The following NBPF4 variants were observed in gnomAD, a reference collection of about 807,000 sequenced individuals.
NBPF4 encodes NBPF member 4, also known as NBPF family member NBPF4.
A neutral mutation model predicts 21.1 loss-of-function variants in NBPF4; 11 were observed. The ratio of observed to expected loss-of-function variants is 0.52; its 90% CI spans 0.33 to 0.86. The LOEUF (loss-of-function observed/expected upper bound fraction) is 0.86, where lower values mean the gene tolerates loss of function less well. Among genes scored for constraint, NBPF4 ranks in the 40% least tolerant of loss-of-function variants. The pLI is 0.03. For synonymous variants in NBPF4, 47 were observed against 106.4 expected, an observed-to-expected ratio of 0.44 and a Z score of 3.43; for missense variants, 88 against 265.3, an observed-to-expected ratio of 0.33 and a Z score of 4.64.
chr1:108,223,855 C>A (rs1230803801), intron 14 of NBPF4, 109 bp from the exon 15 acceptor site: 63 of 1,181,216 alleles, frequency 5.3e-5, no homozygotes, highest in Non-Finnish European at 7.1e-5. Context: ...GGATCTCCTG[C>A]TGGGAGGATG....
the NBPF4 span, among the ~76,000 whole-genome samples, chr1:108,256,652 C>G: frequency 1.8e-5 from 2 of 109,596 alleles, no homozygotes; most frequent in Admixed American, 1.0e-4. Context: ...GGGTCTCACT[C>G]CATTGCACAG....
At position 108,223,174 on chromosome 1, in the gene NBPF4, A is replaced by G. The variant is rs1163597749; in HGVS notation, c.*531T>C. ...AAATGACTAAAAAAGCATAAGCTGC[A>G]TAGGCTTTTTACTCTTTTTGAACTC... On this transcript the variant is annotated 3_prime_UTR_variant, in exon 15 of 15. Coordinates refer to ENST00000415641, the MANE Select transcript of NBPF4 (RefSeq NM_001143989.3). Among the ~76,000 whole-genome samples the G allele has an allele frequency of 6.6e-6, 1 of 152,176 alleles. No individual in the cohort carries two copies. The highest frequency in any genetic ancestry group is 1.5e-5 in the Non-Finnish European group (1 of 68,038).
Position 108,223,030 on chromosome 1 carries a change from T to A in NBPF4, c.*675A>T, listed in dbSNP as rs1027748501. On this transcript the variant is annotated 3_prime_UTR_variant, in exon 15 of 15. Coordinates refer to ENST00000415641, the MANE Select transcript of NBPF4 (RefSeq NM_001143989.3). ...GGCTGAATTTAATCATGACGACATT[T>A]TCAGATAACTTCAGAATGTAGACCA... 2.6e-5 allele frequency among the ~76,000 whole-genome samples: 4 copies of A among 152,130 alleles called. No individual in the cohort carries two copies. Among genetic ancestry groups the A allele is most frequent in the African/African-American group, 9.7e-5 (4 of 41,436 alleles).
At position 108,223,731 on chromosome 1, in the gene NBPF4, C is replaced by T. The variant is rs1649386988; in HGVS notation, c.1891G>A (p.Gly631Arg). The stretch of plus-strand genomic sequence containing the variant: ...CATCCTGCCATCCTTTGCGTCCTTC[C>T]AGCAGTATTTGGTATCTGTAGGGGA... ...AESAEIPNTA[G>R]RTQRMAG is the part of the protein sequence containing the mutation. Residue 631 changes from glycine to arginine, a missense_variant, in exon 15 of 15, where the codon GGA (glycine) becomes AGA (arginine). Coordinates refer to ENST00000415641, the MANE Select transcript of NBPF4 (RefSeq NM_001143989.3). The T allele has an allele frequency of 6.4e-7, 1 of 1,558,470 alleles. No homozygotes were observed. Among genetic ancestry groups the T allele is most frequent in the Non-Finnish European group, 8.7e-7 (1 of 1,150,954 alleles).
rs904694270 is a variant in NBPF4 at position 108,228,655 on chromosome 1, A to G, written c.1660+265T>C. Reference sequence around the variant, plus strand: ...TGCAGGTAGATATTATTCTTCAGGTATCTTAGATGAGGGAACAGAGATATA... The same window carrying G: ...TGCAGGTAGATATTATTCTTCAGGTGTCTTAGATGAGGGAACAGAGATATA... On this transcript the variant is annotated intron_variant, in intron 13 of 14. Transcript: ENST00000415641. Among the ~76,000 whole-genome samples the G allele has an allele frequency of 4.6e-5, 7 of 151,834 alleles. 1 individual carries two copies. Among genetic ancestry groups the G allele is most frequent in the African/African-American group, 1.7e-4 (7 of 41,414 alleles).
At chr1:108,268,544 T>A in the NBPF4 span, among the ~76,000 whole-genome samples, 1 of 147,906 alleles carries the variant, frequency 6.8e-6, no homozygotes, top group Non-Finnish European at 1.5e-5. Context: ...AGGAGTTATT[T>A]AATTTCTTGT....
the NBPF4 span, among the ~76,000 whole-genome samples, chr1:108,259,789 A>C: frequency 1.3e-5 from 2 of 151,550 alleles, no homozygotes; most frequent in African/African-American, 4.9e-5. Context: ...CTTTTTTTTG[A>C]AAGCATCTCT....
At chr1:108,256,490 CTT>C in the NBPF4 span, among the ~76,000 whole-genome samples, 1 of 120,074 alleles carries the variant, frequency 8.3e-6, no homozygotes, top group South Asian at 3.1e-4. Flanking sequence ...TCCTTTTTCT[CTT>C]TCTTTCTTTC....
intron 13 of NBPF4, among the ~76,000 whole-genome samples, chr1:108,228,608 C>T (rs1177895557): frequency 1.3e-5 from 2 of 151,968 alleles, no homozygotes; most frequent in African/African-American, 4.8e-5. Flanking sequence ...CTTATGGAAT[C>T]AGGCCCTTTG....
the NBPF4 span, among the ~76,000 whole-genome samples, chr1:108,257,414 C>T: frequency 1.3e-5 from 2 of 151,000 alleles, no homozygotes; most frequent in African/African-American, 4.9e-5. Context: ...CAGTAGTCTC[C>T]CTGCTACCCT....
At chr1:108,244,945 T>C (rs1216664152), upstream of NBPF4, among the ~76,000 whole-genome samples, 42 of 37,974 alleles carry the variant, frequency 1.1e-3, 5 homozygotes, top group South Asian at 1.5e-3. Flanking sequence ...TATATATATA[T>C]ATACACACAC....
the NBPF4 span, among the ~76,000 whole-genome samples, chr1:108,268,368 T>A: frequency 6.6e-6 from 1 of 151,774 alleles, no homozygotes; most frequent in Non-Finnish European, 1.5e-5. Context: ...TAGAAAAAAG[T>A]AAGAAAGTTT....
At position 108,222,907 on chromosome 1, in the gene NBPF4, G is replaced by A. The variant is rs550763781; in HGVS notation, c.*798C>T. 2.6e-5 allele frequency among the ~76,000 whole-genome samples: 4 copies of A among 152,230 alleles called. No homozygotes were observed. Among genetic ancestry groups the A allele is most frequent in the African/African-American group, 7.2e-5 (3 of 41,554 alleles). On this transcript the variant is annotated 3_prime_UTR_variant, in exon 15 of 15. Transcript: ENST00000415641. ...ACCAAGTGACCATCCTAGTATCACC[G>A]CACTGGGGATGGACACACTGGGCCT... is the stretch of plus-strand genomic sequence containing the variant.
At chr1:108,259,698 C>A in the NBPF4 span, among the ~76,000 whole-genome samples, 3 of 148,964 alleles carry the variant, frequency 2.0e-5, no homozygotes, top group Non-Finnish European at 4.5e-5. Context: ...CACAGTGAGA[C>A]CTCATCTTCT....
chr1:108,222,748 G>T lies in NBPF4; in HGVS notation c.*957C>A, dbSNP rs1292295037. Among the ~76,000 whole-genome samples the T allele has an allele frequency of 2.0e-5, 3 of 152,168 alleles. No homozygotes were observed. The highest frequency in any genetic ancestry group is 4.4e-5 in the Non-Finnish European group (3 of 68,036). On this transcript the variant is annotated 3_prime_UTR_variant, in exon 15 of 15. Coordinates refer to ENST00000415641, the MANE Select transcript of NBPF4 (RefSeq NM_001143989.3). The stretch of plus-strand genomic sequence containing the variant: ...AAATATAATAACTGACACAGACGGG[G>T]TGATTAATTGGTGATAAAATGTTCT...
chr1:108,247,431 T>A (rs1649870743), upstream of NBPF4, among the ~76,000 whole-genome samples: 1 of 147,054 alleles, frequency 6.8e-6, no homozygotes, highest in Non-Finnish European at 1.5e-5. Flanking sequence ...ATGTGTTTGT[T>A]AACGACTTAG....
chr1:108,259,813 T>C, the NBPF4 span, among the ~76,000 whole-genome samples: 1 of 151,576 alleles, frequency 6.6e-6, no homozygotes, highest in East Asian at 1.9e-4. Flanking sequence ...TATCATAAGA[T>C]GTACTTAAAT....
At position 108,223,224 on chromosome 1, in the gene NBPF4, G is replaced by C. The variant is rs995074093; in HGVS notation, c.*481C>G. On this transcript the variant is annotated 3_prime_UTR_variant, in exon 15 of 15. Transcript: ENST00000415641. The stretch of plus-strand genomic sequence containing the variant: ...CAAAATGTCTCTTCTCCTTTTTGTT[G>C]TGTTCTTGGTGGTGACATGGACTGT... 2.0e-5 allele frequency: 3 copies of C among 152,604 alleles called. No homozygotes were observed. Among genetic ancestry groups the C allele is most frequent in the African/African-American group, 7.2e-5 (3 of 41,450 alleles). The allele number at this position is 152,604 out of a possible 1,614,324, so 9.5% of individuals were successfully genotyped here.
At chr1:108,257,960 G>A in the NBPF4 span, among the ~76,000 whole-genome samples, 128 of 140,130 alleles carry the variant, frequency 9.1e-4, 13 homozygotes, top group Middle Eastern at 3.6e-3. Context: ...ATGTTGCCCA[G>A]GCTGGTCTCG....
Sources: allele counts gnomAD v4.1 joint callset (sites outside exome capture counted in the v4.1 genomes callset), GRCh38; gene constraint gnomAD v4.1.1; transcripts MANE v1.5; gene names NCBI Gene and HGNC (gene_info 2026-07-23, HGNC 2026-07-21).